ITPRID2: variants seen among roughly 807,000 people sequenced by gnomAD.
The protein encoded by ITPRID2 is protein ITPRID2.
Under a neutral mutation model 124.3 loss-of-function variants are expected in ITPRID2, and 60 were observed. The observed-to-expected ratio is 0.48, with a 90% CI of 0.39 to 0.60. The LOEUF is 0.60. Among genes scored for constraint, ITPRID2 ranks in the 20% least tolerant of loss-of-function variants. The pLI is 0.00. For missense variants in ITPRID2, 1,553 were observed against 1,512.2 expected (o/e 1.03, Z -0.45); for synonymous variants, 521 against 542.9 (o/e 0.96, Z 0.56).
chr2:181,920,771 G>A, intron 15 of ITPRID2, 109 bp downstream of exon 15: 1 of 854,036 alleles, frequency 1.2e-6, no homozygotes, highest in Non-Finnish European at 1.8e-6. Flanking sequence ...TACATAATTT[G>A]ATAAATTATT....
rs1420705570 is a variant in ITPRID2 at position 181,916,274 on chromosome 2, T to G, written c.2634T>G (p.Cys878Trp). 1.2e-6 allele frequency: 2 copies of G among 1,614,232 alleles called. No individual in the cohort carries two copies. The highest frequency in any genetic ancestry group is 2.7e-5 in the African/African-American group (2 of 75,062). Residue 878 changes from cysteine (C) to tryptophan (W), a missense_variant, in exon 11 of 18, where the codon TGT (cysteine) becomes TGG (tryptophan). Transcript: ENST00000431877. Reference sequence around the variant, plus strand: ...TTCCCAACATATCAGGGGCTACTTGTAGTGCCTTCGCTTCCCCTTTCGGGT... The same window carrying G: ...TTCCCAACATATCAGGGGCTACTTGGAGTGCCTTCGCTTCCCCTTTCGGGT... ...HSVPNISGAT[C>W]SAFASPFGCP...
rs777268688 is a variant in ITPRID2, at chr2:181,922,085, A to G, written c.3348A>G (p.Val1116=). 4 of 1,614,222 alleles carry G rather than the reference A, an allele frequency of 2.5e-6. No individual in the cohort carries two copies. The highest frequency in any genetic ancestry group is 1.1e-5 in the South Asian group (1 of 91,084). The change falls in exon 16 of 18, where the codon GTA becomes GTG. Residue 1116 remains valine, a synonymous_variant. Coordinates refer to ENST00000431877, the MANE Select transcript of ITPRID2 (RefSeq NM_001130445.3). ...FSQATSESSS[V]CSGPSHANRR... is the part of the protein sequence containing the mutation. ...AAGCAACATCAGAATCATCTTCTGT[A>G]TGTTCTGGTCCCTCTCATGCTAACA...
intron 17 of ITPRID2, among the ~76,000 whole-genome samples, chr2:181,929,000 T>A (rs953098150): frequency 6.6e-6 from 1 of 152,102 alleles, no homozygotes; most frequent in Non-Finnish European, 1.5e-5. Context: ...TAGATTCATT[T>A]CTAATAATAA....
chr2:181,914,888 A>G (rs1348070856), intron 10 of ITPRID2, among the ~76,000 whole-genome samples: 2 of 152,182 alleles, frequency 1.3e-5, no homozygotes, highest in African/African-American at 4.8e-5. Context: ...GAGAGATACA[A>G]GGAAGTTTTT....
At chr2:181,900,054 A>G (rs1028220570) in intron 6 of ITPRID2, among the ~76,000 whole-genome samples, 1 of 152,196 alleles carries the variant, frequency 6.6e-6, no homozygotes, top group Non-Finnish European at 1.5e-5. Flanking sequence ...AGCTTGGATT[A>G]TCACTGGTAT....
chr2:181,913,481 G>A (rs1383774218), intron 9 of ITPRID2, among the ~76,000 whole-genome samples: 1 of 152,040 alleles, frequency 6.6e-6, no homozygotes, highest in East Asian at 1.9e-4. Flanking sequence ...AATGGAAATG[G>A]TTTACTTTGG....
In ITPRID2 at chr2:181,902,758, G is replaced by A. The variant is rs1692776019; in HGVS notation, c.1413+292G>A. Among the ~76,000 whole-genome samples, 1 of 152,182 alleles carries A rather than the reference G, an allele frequency of 6.6e-6. No homozygotes were observed. The highest frequency in any genetic ancestry group is 1.5e-5 in the Non-Finnish European group (1 of 68,022). On this transcript the variant is annotated intron_variant, in intron 8 of 17. Coordinates refer to ENST00000431877, the MANE Select transcript of ITPRID2 (RefSeq NM_001130445.3). This position sits in a 1 kb window ranked among gnomAD's most constrained non-coding sequence, Gnocchi z 4.4. ...ATTTTGATGCTCAAGAAAGCCCTGA[G>A]AGAGTATATTTAAATTCAAAGCAAT...
rs1691793709 is a variant in ITPRID2, at chr2:181,892,353, C to T, written c.211+76C>T. The T allele has an allele frequency of 4.1e-6, 6 of 1,449,846 alleles. No homozygotes were observed. The Middle Eastern group carries it at 7.1e-4, about 172-fold the overall frequency. 89.8% of individuals were successfully genotyped at this position (1,449,846 alleles called of 1,614,324 possible). A position where few individuals can be genotyped will look rare whatever the true frequency, so the allele number is the denominator to read the frequency against. The stretch of plus-strand genomic sequence containing the variant: ...TCTCGTGCGCCCTGGGCGCCTGCCA[C>T]GAGTTCTGGGAGAGCCTCGGGCACG... On this transcript the variant is annotated intron_variant, in intron 1 of 17. Transcript: ENST00000431877. The surrounding 1 kb of genome is among the most constrained non-coding windows in gnomAD (Gnocchi z 5.2).
Position 181,918,799 on chromosome 2 carries a change from G to C in ITPRID2, c.2910G>C (p.Leu970Phe), listed in dbSNP as rs746197003. ...AGGTAATGAGGCGGAGCCTGAATTTGTTTAGAACACAAATGATGGATTTAG... is the reference window on the plus strand; with the variant it reads ...AGGTAATGAGGCGGAGCCTGAATTTCTTTAGAACACAAATGATGGATTTAG... ...ELQVMRRSLN[L>F]FRTQMMDLEL... Residue 970 changes from leucine to phenylalanine, a missense_variant, in exon 13 of 18, where the codon TTG becomes TTC. Leu to Phe is a conservative substitution (Grantham distance 22). Transcript: ENST00000431877. 15 of 1,614,014 alleles carry C rather than the reference G, an allele frequency of 9.3e-6. No individual in the cohort carries two copies. Among genetic ancestry groups the C allele is most frequent in the African/African-American group, 1.3e-5 (1 of 74,912 alleles).
intron 10 of ITPRID2, among the ~76,000 whole-genome samples, chr2:181,914,352 AC>A (rs1399695011): frequency 6.6e-5 from 10 of 152,212 alleles, no homozygotes; most frequent in African/African-American, 2.4e-4. Context: ...GTGTGAGATA[AC>A]CCAGAGAACA....
At chr2:181,901,714 G>C in intron 7 of ITPRID2, 52 bp from the exon 8 acceptor site, 1 of 1,220,252 alleles carries the variant, frequency 8.2e-7, no homozygotes, top group Admixed American at 2.7e-5. Flanking sequence ...TAATATATGT[G>C]TATGTATATA....
chr2:181,898,690 G>T (rs902027348), intron 4 of ITPRID2, among the ~76,000 whole-genome samples, 190 bp from the exon 5 acceptor site: 1 of 151,998 alleles, frequency 6.6e-6, no homozygotes, highest in African/African-American at 2.4e-5. Context: ...CCCTTCAAAA[G>T]CTCCTGGCCC....
chr2:181,922,930 A>G (rs920134075), intron 16 of ITPRID2, among the ~76,000 whole-genome samples: 10 of 152,192 alleles, frequency 6.6e-5, no homozygotes, highest in African/African-American at 2.4e-4. Flanking sequence ...TCAAAAAAAA[A>G]AGAAACTGCA....
At chr2:181,901,273 C>T (rs1398909491) in intron 7 of ITPRID2, among the ~76,000 whole-genome samples, 1 of 152,172 alleles carries the variant, frequency 6.6e-6, no homozygotes, top group Non-Finnish European at 1.5e-5. Flanking sequence ...CAGTTTCACT[C>T]ATATCTTTGC....
intron 11 of ITPRID2, 78 bp downstream of exon 11, chr2:181,916,505 G>C: frequency 6.7e-7 from 1 of 1,498,434 alleles, no homozygotes. Context: ...AGAAGCTAAG[G>C]CACATCAAGT....
At position 181,929,908 on chromosome 2, in the gene ITPRID2, A is replaced by G; in HGVS notation, c.*361A>G. On this transcript the variant is annotated 3_prime_UTR_variant, in exon 18 of 18. Transcript: ENST00000431877. ...CATATTTCTTCAGACTAACATCTTA[A>G]AACACTGACCTCTATGAGGTATTTA... The G allele has an allele frequency of 3.8e-6, 1 of 262,760 alleles. No individual in the cohort carries two copies. The highest frequency in any genetic ancestry group is 7.0e-5 in the East Asian group (1 of 14,328). 16.3% of individuals were successfully genotyped at this position (262,760 alleles called of 1,614,324 possible).
In ITPRID2 at chr2:181,892,065, C is replaced by T. The variant is rs1558970954; in HGVS notation, c.-2C>T. On this transcript the variant is annotated 5_prime_UTR_variant, in exon 1 of 18. Transcript: ENST00000431877. This position sits in a 1 kb window ranked among gnomAD's most constrained non-coding sequence, Gnocchi z 5.2. ...TGGGGTAGCGGAGCCCCCAGTGCGG[C>T]CATGGACCGGCCCCTGTCGTCGTCG... 2 of 1,549,608 alleles carry T rather than the reference C, an allele frequency of 1.3e-6. No individual in the cohort carries two copies. Among genetic ancestry groups the T allele is most frequent in the African/African-American group, 1.4e-5 (1 of 73,144 alleles).
Position 181,896,557 on chromosome 2 carries a change from C to T in ITPRID2, c.308-351C>T, listed in dbSNP as rs1692219045. Among the ~76,000 whole-genome samples, 1 of 151,888 alleles carries T rather than the reference C, an allele frequency of 6.6e-6. No individual in the cohort carries two copies. The highest frequency in any genetic ancestry group is 1.5e-5 in the Non-Finnish European group (1 of 67,828). On this transcript the variant is annotated intron_variant, in intron 3 of 17. Transcript: ENST00000431877. This position sits in a 1 kb window ranked among gnomAD's most constrained non-coding sequence, Gnocchi z 4.3. ...TTTACAGTGTCAGGAAAATCCAGCT[C>T]CTGACTTAATATGAGATGGATAAGA... is the stretch of plus-strand genomic sequence containing the variant.
intron 17 of ITPRID2, among the ~76,000 whole-genome samples, chr2:181,928,918 G>A (rs574548923): frequency 2.2e-4 from 34 of 152,160 alleles, no homozygotes; most frequent in Admixed American, 3.9e-4. Context: ...GAGCCACCGC[G>A]CCCGGCCGAA....
Sources: allele counts gnomAD v4.1 joint callset (sites outside exome capture counted in the v4.1 genomes callset), GRCh38; gene constraint gnomAD v4.1.1; non-coding constraint Gnocchi (gnomAD v3.1); transcripts MANE v1.5; gene names NCBI Gene and HGNC (gene_info 2026-07-23, HGNC 2026-07-21).